Variants in LONP2 observed in about 807,000 individuals in gnomAD.
LONP2 encodes the protein lon protease homolog 2, peroxisomal.
In LONP2, 60 loss-of-function variants were observed where a neutral mutation model predicts 85.6. The observed-to-expected ratio is 0.70, with a 90% confidence interval of 0.57 to 0.87. The LOEUF (loss-of-function observed/expected upper bound fraction) is 0.87. Ranked by LOEUF, LONP2 falls within the 40% of genes least tolerant of loss-of-function variation. The pLI, the probability that LONP2 is intolerant of heterozygous loss-of-function variation, is 0.00. For synonymous variants in LONP2, 395 were observed against 389.7 expected (o/e 1.01, Z -0.16); for missense variants, 860 against 1,063.5 (o/e 0.81, Z 2.66).
At chr16:48,331,085 A>G (rs564909171) in intron 11 of LONP2, among the ~76,000 whole-genome samples, 1 of 152,374 alleles carries the variant, frequency 6.6e-6, no homozygotes, top group East Asian at 1.9e-4. Context: ...AGCACCACAG[A>G]CTAGAGAAAC....
intron 13 of LONP2, among the ~76,000 whole-genome samples, 154 bp downstream of exon 13, chr16:48,347,868 A>C (rs901047144): frequency 2.3e-4 from 35 of 152,238 alleles, no homozygotes; most frequent in African/African-American, 7.2e-4. Flanking sequence ...TTTCAGGACT[A>C]TTTGACTAGT....
chr16:48,262,244 G>A (rs59295735), intron 5 of LONP2, among the ~76,000 whole-genome samples: 2,085 of 152,142 alleles, frequency 0.014, 48 homozygotes, highest in African/African-American at 0.047. Context: ...ATATTAGCTT[G>A]CTTTTATGAG....
chr16:48,252,931 C>A (rs1010485970), intron 2 of LONP2, among the ~76,000 whole-genome samples: 9 of 152,076 alleles, frequency 5.9e-5, no homozygotes, highest in African/African-American at 2.2e-4. Flanking sequence ...CTATTCCCAC[C>A]CCATTTTGTT....
At chr16:48,269,875 A>C in intron 6 of LONP2, 141 bp from the exon 7 acceptor site, 1 of 839,586 alleles carries the variant, frequency 1.2e-6, no homozygotes, top group East Asian at 2.8e-5. Flanking sequence ...GATCTCCTAG[A>C]ATCCTCATCT....
At chr16:48,296,724 A>C (rs1043638929) in intron 9 of LONP2, among the ~76,000 whole-genome samples, 2 of 141,040 alleles carry the variant, frequency 1.4e-5, no homozygotes, top group Admixed American at 9.1e-5. Flanking sequence ...CTCCATTTCA[A>C]AAAAAAAAAA....
At chr16:48,321,225 C>G (rs1487951291) in intron 11 of LONP2, among the ~76,000 whole-genome samples, 2 of 152,174 alleles carry the variant, frequency 1.3e-5, no homozygotes, top group African/African-American at 4.8e-5. Context: ...ATTATCAAAA[C>G]AAACTCAAGT....
intron 11 of LONP2, among the ~76,000 whole-genome samples, chr16:48,330,960 A>G (rs1401715522): frequency 6.6e-6 from 1 of 152,232 alleles, no homozygotes; most frequent in East Asian, 1.9e-4. Context: ...TGGATGTCCT[A>G]AAGCATTGGT....
chr16:48,272,073 C>G (rs961445993), intron 7 of LONP2, among the ~76,000 whole-genome samples: 1 of 152,116 alleles, frequency 6.6e-6, no homozygotes, highest in Non-Finnish European at 1.5e-5. Flanking sequence ...GTAATTTGTT[C>G]TTATTTCTTT....
intron 11 of LONP2, among the ~76,000 whole-genome samples, chr16:48,308,122 G>A (rs1241826200): frequency 6.6e-6 from 1 of 152,088 alleles, no homozygotes; most frequent in African/African-American, 2.4e-5. Flanking sequence ...AAACAGCATG[G>A]TACTGGTATA....
chr16:48,293,922 A>G (rs555990895), intron 8 of LONP2, among the ~76,000 whole-genome samples: 21 of 152,206 alleles, frequency 1.4e-4, no homozygotes, highest in African/African-American at 4.8e-4. Flanking sequence ...TTCCGTACCT[A>G]AACAGTTTGT....
chr16:48,281,177 A>G (rs1049177361), intron 8 of LONP2, among the ~76,000 whole-genome samples: 1 of 152,214 alleles, frequency 6.6e-6, no homozygotes, highest in Non-Finnish European at 1.5e-5. Context: ...GTAATAGTAG[A>G]TGTAAATATA....
chr16:48,333,305 G>A (rs530210044), intron 11 of LONP2, among the ~76,000 whole-genome samples: 16 of 152,204 alleles, frequency 1.1e-4, no homozygotes, highest in Non-Finnish European at 2.4e-4. Flanking sequence ...CAAGATATCA[G>A]CCATCCAGGG....
intron 12 of LONP2, among the ~76,000 whole-genome samples, chr16:48,341,774 G>A (rs969346355): frequency 6.6e-6 from 1 of 152,174 alleles, no homozygotes; most frequent in African/African-American, 2.4e-5. Flanking sequence ...TAAAAATAAA[G>A]GTTACTACAA....
chr16:48,261,075 T>C (rs1013073049), intron 4 of LONP2, among the ~76,000 whole-genome samples: 4 of 152,176 alleles, frequency 2.6e-5, no homozygotes, highest in Non-Finnish European at 5.9e-5. Flanking sequence ...TAAGAAGTAA[T>C]GTATTTCAAG....
intron 12 of LONP2, chr16:48,346,182 C>T (rs1389332797): frequency 1.3e-5 from 2 of 152,132 alleles, no homozygotes; most frequent in Non-Finnish European, 2.9e-5. Context: ...GCCCCATACC[C>T]AGAAAGTCAA....
At chr16:48,309,906 G>T (rs1427868605) in intron 11 of LONP2, among the ~76,000 whole-genome samples, 4 of 151,994 alleles carry the variant, frequency 2.6e-5, no homozygotes, top group Non-Finnish European at 5.9e-5. Flanking sequence ...CTGTCTCAGT[G>T]TTGAAGTCCC....
At chr16:48,283,277 A>G (rs188413560) in intron 8 of LONP2, among the ~76,000 whole-genome samples, 1 of 152,252 alleles carries the variant, frequency 6.6e-6, no homozygotes, top group Non-Finnish European at 1.5e-5. Flanking sequence ...ACATCTAGCT[A>G]ACATCATTGA....
chr16:48,316,323 CTTTTT>C (rs776343152), intron 11 of LONP2, among the ~76,000 whole-genome samples: 1 of 106,008 alleles, frequency 9.4e-6, no homozygotes, highest in African/African-American at 3.7e-5. Context: ...CCATTGGATT[CTTTTT>C]TTTTTTTTTT....
chr16:48,260,328 G>A (rs1971848086), intron 4 of LONP2, among the ~76,000 whole-genome samples: 1 of 152,204 alleles, frequency 6.6e-6, no homozygotes, highest in Admixed American at 6.5e-5. Flanking sequence ...TGAATGCAGT[G>A]GCTCATGCCT....
Sources: gnomAD v4.1 joint callset for allele counts (sites outside exome capture counted in the v4.1 genomes callset) on GRCh38, gnomAD v4.1.1 for gene constraint, MANE v1.5 for transcripts, NCBI Gene and HGNC (gene_info 2026-07-23, HGNC 2026-07-21) for gene names.